SH3KBP1: variants seen among roughly 807,000 people sequenced by gnomAD.
The protein encoded by SH3KBP1 is SH3 domain-containing kinase-binding protein 1.
SH3KBP1 carries 8 observed loss-of-function variants against 50.1 expected under a neutral mutation model. The ratio of observed to expected loss-of-function variants is 0.16; its 90% CI spans 0.09 to 0.29. SH3KBP1 has a LOEUF of 0.29. Among genes scored for constraint, SH3KBP1 ranks in the 10% least tolerant of loss-of-function variants. The pLI is 1.00. For synonymous variants in SH3KBP1, 227 were observed against 218.6 expected, an observed-to-expected ratio of 1.04 and a Z score of -0.34; for missense variants, 377 against 535.2, an observed-to-expected ratio of 0.70 and a Z score of 2.92.
In SH3KBP1 at chrX:19,753,080, GTGCC is replaced by G. The variant is rs781072183; in HGVS notation, c.163-6643_163-6640del. 3.8e-3 allele frequency among the ~76,000 whole-genome samples: 431 copies of G among 112,017 alleles called. 1 individual carries two copies. The highest frequency in any genetic ancestry group is 4.5e-3 in the Non-Finnish European group (237 of 53,119). ...CAGTATTGGCACACAGAGCAGGCTGGTGCCACGGACACCAGGGAAAGCTGGGCAC... is the reference window on the plus strand; with the variant it reads ...CAGTATTGGCACACAGAGCAGGCTGGACGGACACCAGGGAAAGCTGGGCAC... On this transcript the variant is annotated intron_variant, in intron 2 of 17. Transcript: ENST00000397821.
rs1327244436 is a variant in SH3KBP1 at position 19,534,172 on chromosome X, T to A, written c.*2245A>T. 1 of 110,637 alleles carries A rather than the reference T, an allele frequency of 9.0e-6. No individual in the cohort carries two copies. Among genetic ancestry groups the A allele is most frequent in the Non-Finnish European group, 1.9e-5 (1 of 52,840 alleles). 9.1% of individuals were successfully genotyped at this position (110,637 alleles called of 1,213,427 possible). ...TTTTCAACATTCTCGATGGGTCCATTTTGTAAAGAGTAAAGATGGTGGCAG... is the reference window on the plus strand; with the variant it reads ...TTTTCAACATTCTCGATGGGTCCATATTGTAAAGAGTAAAGATGGTGGCAG... On this transcript the variant is annotated 3_prime_UTR_variant, in exon 18 of 18. Coordinates refer to ENST00000397821, the MANE Select transcript of SH3KBP1 (RefSeq NM_031892.3).
intron 3 of SH3KBP1, among the ~76,000 whole-genome samples, chrX:19,711,809 C>T (rs2063783796): frequency 9.0e-6 from 1 of 111,200 alleles, no homozygotes; most frequent in African/African-American, 3.3e-5. Context: ...AAAAGAAACC[C>T]CTAATTCCCA....
At chrX:19,854,041 T>C (rs1246535208) in intron 1 of SH3KBP1, among the ~76,000 whole-genome samples, 1 of 111,585 alleles carries the variant, frequency 9.0e-6, no homozygotes, top group African/African-American at 3.3e-5. Flanking sequence ...GGAGACTACC[T>C]GTCCATACAA....
intron 3 of SH3KBP1, among the ~76,000 whole-genome samples, chrX:19,712,963 C>A (rs963972496): frequency 8.9e-6 from 1 of 111,811 alleles, no homozygotes; most frequent in Non-Finnish European, 1.9e-5. Flanking sequence ...GTCGCTCAAG[C>A]CTGTAATCCC....
intron 1 of SH3KBP1, among the ~76,000 whole-genome samples, chrX:19,859,771 T>G (rs932848441): frequency 1.8e-5 from 2 of 110,729 alleles, no homozygotes; most frequent in African/African-American, 6.6e-5. Context: ...TATAATAGGT[T>G]GGGCTCCCTG....
At chrX:19,613,832 G>T (rs1165566601) in intron 8 of SH3KBP1, among the ~76,000 whole-genome samples, 1 of 112,374 alleles carries the variant, frequency 8.9e-6, no homozygotes, top group East Asian at 2.8e-4. Flanking sequence ...AACAGAGCAA[G>T]CATGGGCCAT....
chrX:19,638,968 A>G (rs1456468526), intron 7 of SH3KBP1, among the ~76,000 whole-genome samples: 3 of 111,760 alleles, frequency 2.7e-5, no homozygotes, highest in Non-Finnish European at 5.6e-5. Context: ...AGACAATTCT[A>G]CTTATTAGAA....
chrX:19,797,692 C>T (rs967163956), intron 2 of SH3KBP1, among the ~76,000 whole-genome samples: 46 of 110,974 alleles, frequency 4.1e-4, no homozygotes, highest in Admixed American at 1.2e-3. Flanking sequence ...CACTGATACA[C>T]GATTATTGAG....
chrX:19,541,448 G>A (rs1417039148), intron 16 of SH3KBP1, among the ~76,000 whole-genome samples: 1 of 111,495 alleles, frequency 9.0e-6, no homozygotes, highest in Non-Finnish European at 1.9e-5. Context: ...AAAATCTTGG[G>A]CTTCAAGATT....
chrX:19,780,701 A>C (rs955305474), intron 2 of SH3KBP1, among the ~76,000 whole-genome samples: 1 of 107,094 alleles, frequency 9.3e-6, no homozygotes, highest in Admixed American at 1.0e-4. Context: ...TAAATAGGGA[A>C]TCCTTTCCCC....
intron 10 of SH3KBP1, among the ~76,000 whole-genome samples, 177 bp from the exon 11 acceptor site, chrX:19,592,324 T>C (rs2066773137): frequency 8.9e-6 from 1 of 111,857 alleles, no homozygotes; most frequent in African/African-American, 3.3e-5. Flanking sequence ...AAGACATTTC[T>C]GGCCTATGTC....
chrX:19,645,289 A>C, intron 7 of SH3KBP1, 111 bp downstream of exon 7: 1 of 553,481 alleles, frequency 1.8e-6, no homozygotes, highest in Non-Finnish European at 3.1e-6. Context: ...CATTTTTCTG[A>C]TGCGTTTGCA....
At chrX:19,626,416 G>GAA (rs1569355094) in intron 8 of SH3KBP1, among the ~76,000 whole-genome samples, 2 of 105,481 alleles carry the variant, frequency 1.9e-5, no homozygotes, top group Non-Finnish European at 3.9e-5. Flanking sequence ...GAATGAATGA[G>GAA]TGAACGAACA....
At position 19,887,325 on chromosome X, in the gene SH3KBP1, G is replaced by C. The variant is rs1485553565; in HGVS notation, c.-15C>G. On this transcript the variant is annotated 5_prime_UTR_variant, in exon 1 of 18. Transcript: ENST00000397821. ...CACTCACCCATTGGCGTCGAGCCGG[G>C]CCGGGCCGCCGAGGCAGCGTGAAAG... is the stretch of plus-strand genomic sequence containing the variant. The C allele has an allele frequency of 1.7e-5, 17 of 978,423 alleles. No homozygotes were observed. Among genetic ancestry groups the C allele is most frequent in the Non-Finnish European group, 2.2e-5 (17 of 776,480 alleles). 80.6% of individuals were successfully genotyped at this position (978,423 alleles called of 1,213,427 possible). A position where few individuals can be genotyped will look rare whatever the true frequency, so the allele number is the denominator to read the frequency against.
At chrX:19,694,891 C>T in intron 5 of SH3KBP1, 1 of 706,449 alleles carries the variant, frequency 1.4e-6, no homozygotes, top group Non-Finnish European at 2.2e-6. Context: ...GTCGAGCCTC[C>T]TACAACATTC....
At chrX:19,776,855 A>C in intron 2 of SH3KBP1, among the ~76,000 whole-genome samples, 1 of 110,508 alleles carries the variant, frequency 9.0e-6, no homozygotes, top group Non-Finnish European at 1.9e-5. Flanking sequence ...CACCCAGCTG[A>C]CAGCCTAGCT....
chrX:19,542,218 G>T (rs955389056), intron 15 of SH3KBP1, 25 bp from the exon 16 acceptor site: 80 of 1,142,973 alleles, frequency 7.0e-5, no homozygotes, highest in Non-Finnish European at 8.8e-5. Flanking sequence ...GGCAGGGAGG[G>T]TTCAGGGCCG....
At chrX:19,737,598 A>G (rs187917933) in intron 3 of SH3KBP1, among the ~76,000 whole-genome samples, 1 of 111,510 alleles carries the variant, frequency 9.0e-6, no homozygotes, top group African/African-American at 3.3e-5. Context: ...AGAGAAGGCA[A>G]TGAGACTATG....
intron 2 of SH3KBP1, among the ~76,000 whole-genome samples, chrX:19,786,906 CTT>C (rs1188874253): frequency 3.6e-5 from 4 of 112,063 alleles, no homozygotes; most frequent in African/African-American, 1.3e-4. Flanking sequence ...TGTACTATAA[CTT>C]ATATATCCCA....
Sources: allele counts gnomAD v4.1 joint callset (sites outside exome capture counted in the v4.1 genomes callset), GRCh38; gene constraint gnomAD v4.1.1; transcripts MANE v1.5; gene names NCBI Gene and HGNC (gene_info 2026-07-23, HGNC 2026-07-21).